The following PHF2 variants were observed in gnomAD, a reference collection of about 807,000 sequenced individuals.
PHF2 encodes the protein lysine-specific demethylase PHF2.
In PHF2, 27 loss-of-function variants were observed where a neutral mutation model predicts 120.5. That is an observed-to-expected ratio of 0.22 (90% CI 0.17 to 0.31). The LOEUF is 0.31. PHF2 is among the 10% of genes least tolerant of loss of function. The pLI is 1.00. For synonymous variants in PHF2, 568 were observed against 592.5 expected (o/e 0.96, Z 0.60); for missense variants, 1,024 against 1,434.8 (o/e 0.71, Z 4.63).
At chr9:93,592,221 CT>C (rs1227255230) in intron 1 of PHF2, among the ~76,000 whole-genome samples, 3 of 152,118 alleles carry the variant, frequency 2.0e-5, no homozygotes, top group African/African-American at 7.2e-5. Flanking sequence ...ATCTCAGGGT[CT>C]TTTTCTCAAA....
intron 6 of PHF2, 138 bp from the exon 7 acceptor site, chr9:93,654,275 C>G (rs1029102942): frequency 5.7e-6 from 4 of 707,674 alleles, no homozygotes; most frequent in Non-Finnish European, 9.5e-6. Context: ...TTCTGAATTG[C>G]AAAGCACCTG....
At chr9:93,584,049 A>T (rs1862986819) in intron 1 of PHF2, among the ~76,000 whole-genome samples, 1 of 152,036 alleles carries the variant, frequency 6.6e-6, no homozygotes, top group Non-Finnish European at 1.5e-5. Context: ...GCTGGTCTCG[A>T]ACTCTCGACC....
chr9:93,623,937 C>T (rs1194524571), intron 1 of PHF2, among the ~76,000 whole-genome samples: 1 of 152,248 alleles, frequency 6.6e-6, no homozygotes, highest in Non-Finnish European at 1.5e-5. Context: ...ACACTGGGCA[C>T]TAGCAGTAAC....
At chr9:93,641,407 G>T (rs1408508558) in intron 3 of PHF2, among the ~76,000 whole-genome samples, 1 of 152,202 alleles carries the variant, frequency 6.6e-6, no homozygotes, top group East Asian at 1.9e-4. Flanking sequence ...AGCAGCTTCC[G>T]CTTCAGGTAA....
intron 16 of PHF2, among the ~76,000 whole-genome samples, 195 bp from the exon 17 acceptor site, chr9:93,666,885 C>T (rs997964610): frequency 1.3e-5 from 2 of 152,128 alleles, no homozygotes; most frequent in African/African-American, 2.4e-5. Flanking sequence ...GATCGCACCA[C>T]TGCACTCCAG....
intron 1 of PHF2, among the ~76,000 whole-genome samples, chr9:93,590,798 G>T (rs1051192516): frequency 6.6e-6 from 1 of 152,208 alleles, no homozygotes; most frequent in South Asian, 2.1e-4. Context: ...GCCATGGGCT[G>T]GTCCTCACGT....
intron 3 of PHF2, among the ~76,000 whole-genome samples, chr9:93,639,545 C>T (rs938600011): frequency 7.9e-5 from 12 of 152,072 alleles, no homozygotes; most frequent in African/African-American, 2.2e-4. Flanking sequence ...ATTCCTTTCC[C>T]ATCTAGGTGA....
chr9:93,628,388 A>G (rs1825947439), intron 1 of PHF2, among the ~76,000 whole-genome samples: 1 of 152,082 alleles, frequency 6.6e-6, no homozygotes, highest in African/African-American at 2.4e-5. Context: ...TTTTTTGATT[A>G]CTGATTTAAT....
intron 18 of PHF2, among the ~76,000 whole-genome samples, 167 bp from the exon 19 acceptor site, chr9:93,674,760 C>T (rs1030568393): frequency 6.6e-6 from 1 of 152,248 alleles, no homozygotes; most frequent in East Asian, 1.9e-4. Flanking sequence ...GGTGTCCTCA[C>T]CATGGGCAGC....
rs1564406320 is a variant in PHF2, at chr9:93,677,300, G to T, written c.3203-288G>T. Reference sequence around the variant, plus strand: ...GCTCCTGGCCTTGTTACTGGGGGTGGTGCCCAGGCATCCTCATGTCCTCCT... The same window carrying T: ...GCTCCTGGCCTTGTTACTGGGGGTGTTGCCCAGGCATCCTCATGTCCTCCT... On this transcript the variant is annotated intron_variant, in intron 21 of 21. Transcript: ENST00000359246. This position sits in a 1 kb window ranked among gnomAD's most constrained non-coding sequence, Gnocchi z 4.4. Among the ~76,000 whole-genome samples the T allele has an allele frequency of 6.6e-6, 1 of 151,644 alleles. No homozygotes were observed. The highest frequency in any genetic ancestry group is 2.4e-5 in the African/African-American group (1 of 41,280).
Position 93,600,683 on chromosome 9 carries a change from C to T in PHF2, c.98+23812C>T, listed in dbSNP as rs1394177349. Among the ~76,000 whole-genome samples the T allele has an allele frequency of 3.3e-5, 5 of 152,218 alleles. 1 individual carries two copies. Among genetic ancestry groups the T allele is most frequent in the Admixed American group, 3.3e-4 (5 of 15,284 alleles). ...TGGGAGGGCTGGGTAAATGGTAACACAGGCTCCATGCTGTGGCAGGAAGCA... is the reference window on the plus strand; with the variant it reads ...TGGGAGGGCTGGGTAAATGGTAACATAGGCTCCATGCTGTGGCAGGAAGCA... On this transcript the variant is annotated intron_variant, in intron 1 of 21. Coordinates refer to ENST00000359246, the MANE Select transcript of PHF2 (RefSeq NM_005392.4).
At chr9:93,655,870 G>C in intron 7 of PHF2, 64 bp from the exon 8 acceptor site, 2 of 1,236,308 alleles carry the variant, frequency 1.6e-6, no homozygotes, top group East Asian at 2.5e-5. Flanking sequence ...CCCTGATCTA[G>C]AGCCATGAGA....
intron 1 of PHF2, among the ~76,000 whole-genome samples, chr9:93,604,913 A>G (rs74412472): frequency 1.8e-4 from 27 of 152,200 alleles, no homozygotes; most frequent in African/African-American, 6.0e-4. Flanking sequence ...ATTCCCACCC[A>G]TGACCACTGA....
At position 93,675,763 on chromosome 9, in the gene PHF2, G is replaced by T; in HGVS notation, c.2806G>T (p.Ala936Ser). ...GGCTTCCATCGAGACCGGGCTGGCGGCTGCTGCAGCTAAGTTGTCCCAGCA... is the reference window on the plus strand; with the variant it reads ...GGCTTCCATCGAGACCGGGCTGGCGTCTGCTGCAGCTAAGTTGTCCCAGCA... ...RVASIETGLA[A>S]AAAKLSQQEE... The change falls in exon 20 of 22, where the codon GCT (alanine) becomes TCT (serine). Residue 936 changes from alanine to serine, a missense_variant. Around this residue, in one of 2 missense-constraint regions of PHF2, gnomAD observed 677 missense variants for 857.4 expected, o/e 0.79. Transcript: ENST00000359246. 1 of 1,611,578 alleles carries T rather than the reference G, an allele frequency of 6.2e-7. No individual in the cohort carries two copies.
At chr9:93,665,608 G>C in intron 14 of PHF2, 78 bp from the exon 15 acceptor site, 1 of 1,498,992 alleles carries the variant, frequency 6.7e-7, no homozygotes, top group Non-Finnish European at 9.0e-7. Context: ...CCCTGGCAGA[G>C]GACCCCTCGG....
At chr9:93,661,438 G>T (rs1405913140) in intron 12 of PHF2, among the ~76,000 whole-genome samples, 1 of 152,200 alleles carries the variant, frequency 6.6e-6, no homozygotes, top group South Asian at 2.1e-4. Flanking sequence ...TGAATGGATG[G>T]ATGAATGGAT....
chr9:93,666,085 C>T, intron 16 of PHF2, 25 bp downstream of exon 16: 1 of 1,605,240 alleles, frequency 6.2e-7, no homozygotes, highest in Non-Finnish European at 8.5e-7. Context: ...AGGCCCCCCT[C>T]AGTCTCGGGG....
chr9:93,602,449 TACTGTGTTGCCCAGGCTGGTCTCG>T (rs1825459954), intron 1 of PHF2, among the ~76,000 whole-genome samples: 1 of 151,840 alleles, frequency 6.6e-6, no homozygotes, highest in South Asian at 2.1e-4. Flanking sequence ...GATGGGGTTT[TACTGTGTTGCCCAGGCTGGTCTCG>T]AACTCCTGAG....
chr9:93,627,492 A>ATTTTCTTTTT (rs1269463140), intron 1 of PHF2, among the ~76,000 whole-genome samples: 5 of 108,176 alleles, frequency 4.6e-5, no homozygotes, highest in African/African-American at 1.9e-4. Flanking sequence ...TTATTTCAGG[A>ATTTTCTTTTT]TTTTTTTTTT....
Sources: gnomAD v4.1 joint callset for allele counts (sites outside exome capture counted in the v4.1 genomes callset) on GRCh38, gnomAD v4.1.1 for gene constraint, gnomAD v4.1.1 regional missense constraint, Gnocchi (gnomAD v3.1) non-coding constraint, MANE v1.5 for transcripts, NCBI Gene and HGNC (gene_info 2026-07-23, HGNC 2026-07-21) for gene names.